GAN: variants seen among roughly 807,000 people sequenced by gnomAD.
The protein encoded by GAN is epididymis secretory sperm binding protein.
In GAN, 48 loss-of-function variants were observed where a neutral mutation model predicts 71.3. The observed-to-expected ratio is 0.67, with a 90% confidence interval of 0.53 to 0.86. GAN has a LOEUF of 0.86. GAN is among the 40% of genes least tolerant of loss of function. The pLI is 0.00. For synonymous variants in GAN, 386 were observed against 276.8 expected (o/e 1.39, Z -3.92); for missense variants, 928 against 770.1 (o/e 1.21, Z -2.43).
At chr16:81,339,465 A>T (rs1177136344) in intron 1 of GAN, among the ~76,000 whole-genome samples, 1 of 152,182 alleles carries the variant, frequency 6.6e-6, no homozygotes, top group East Asian at 1.9e-4. Context: ...GTCAGCTTCA[A>T]GTTTATTGTA....
In GAN at chr16:81,389,628, A is replaced by G. The variant is rs1463706138; in HGVS notation, c.*12032A>G. 6.6e-6 allele frequency: 1 copy of G among 152,246 alleles called. No individual in the cohort carries two copies. Among genetic ancestry groups the G allele is most frequent in the Non-Finnish European group, 1.5e-5 (1 of 68,044 alleles). The allele number at this position is 152,246 out of a possible 1,614,324, so 9.4% of individuals were successfully genotyped here. On this transcript the variant is annotated 3_prime_UTR_variant, in exon 11 of 11. Coordinates refer to ENST00000648994, the MANE Select transcript of GAN (RefSeq NM_022041.4). ...GAGTGAGACCCATTCATGACACACTAGAAATGTGTACATTCTTTTGTTTTC... is the reference window on the plus strand; with the variant it reads ...GAGTGAGACCCATTCATGACACACTGGAAATGTGTACATTCTTTTGTTTTC...
At chr16:81,374,324 T>C (rs1294438111) in intron 9 of GAN, among the ~76,000 whole-genome samples, 2 of 152,218 alleles carry the variant, frequency 1.3e-5, no homozygotes, top group Non-Finnish European at 2.9e-5. Flanking sequence ...CTGATTTTCT[T>C]GTTGTAATTA....
rs189524399 is a variant in GAN, at chr16:81,375,652, A to C, written c.1503-1567A>C. ...CCAGTTTTAAAGTGAGCAAACCTTT[A>C]AACAGACATTTTATAAAAGAACATA... On this transcript the variant is annotated intron_variant, in intron 9 of 10. Coordinates refer to ENST00000648994, the MANE Select transcript of GAN (RefSeq NM_022041.4). Among the ~76,000 whole-genome samples the C allele has an allele frequency of 6.8e-4, 103 of 152,196 alleles. 1 individual carries two copies. In the East Asian group the frequency reaches 0.018, roughly 27 times the overall value.
intron 1 of GAN, among the ~76,000 whole-genome samples, chr16:81,324,987 C>T (rs1444659372): frequency 2.6e-5 from 4 of 152,162 alleles, no homozygotes; most frequent in Admixed American, 2.6e-4. Flanking sequence ...GGCACCAGGA[C>T]ATGTTGATGA....
rs141427690 is a variant in GAN, at chr16:81,367,387, G to A, written c.1502+1909G>A. Among the ~76,000 whole-genome samples the A allele has an allele frequency of 7.0e-3, 1,064 of 152,140 alleles. 12 individuals carry two copies. Among genetic ancestry groups the A allele is most frequent in the African/African-American group, 0.024 (1,003 of 41,492 alleles). On this transcript the variant is annotated intron_variant, in intron 9 of 10. Transcript: ENST00000648994. ...AAAGTACAAAAAAAAAAATTAGCCA[G>A]GCATAGTGGCACGTGTCTGTAGTCC...
chr16:81,363,008 G>C (rs1411311606), intron 6 of GAN, among the ~76,000 whole-genome samples: 1 of 152,212 alleles, frequency 6.6e-6, no homozygotes, highest in African/African-American at 2.4e-5. Context: ...CTCTTTGATG[G>C]CAGAGAATTA....
chr16:81,368,781 C>G (rs1437311762), intron 9 of GAN, among the ~76,000 whole-genome samples: 1 of 152,212 alleles, frequency 6.6e-6, no homozygotes, highest in Non-Finnish European at 1.5e-5. Flanking sequence ...TCTGGCCAGC[C>G]TTGCCAGTGC....
In GAN at chr16:81,377,428, C is replaced by T. The variant is rs906015539; in HGVS notation, c.1626C>T (p.Asp542=). The T allele has an allele frequency of 1.9e-6, 3 of 1,613,922 alleles. No individual in the cohort carries two copies. The highest frequency in any genetic ancestry group is 1.7e-5 in the Admixed American group (1 of 60,024). ...TCTGTGGCTTAGGTACCAATTACGACTACGTGCGTGAGTTTAAAAGAAGCA... is the reference window on the plus strand; with the variant it reads ...TCTGTGGCTTAGGTACCAATTACGATTACGTGCGTGAGTTTAAAAGAAGCA... ...IGDLDTGTNY[D]YVREFKRSTG... Residue 542 remains aspartate (D), a synonymous_variant, in exon 11 of 11, where the codon GAC becomes GAT. Coordinates refer to ENST00000648994, the MANE Select transcript of GAN (RefSeq NM_022041.4).
Position 81,363,654 on chromosome 16 carries a change from C to A in GAN, c.1087-140C>A, listed in dbSNP as rs549373971. 1.8e-4 allele frequency: 144 copies of A among 807,252 alleles called. 3 individuals are homozygous for A. In the East Asian group the frequency reaches 2.5e-3, roughly 14 times the overall value. The allele number at this position is 807,252 out of a possible 1,614,324, so 50.0% of individuals were successfully genotyped here. A position where few individuals can be genotyped will look rare whatever the true frequency, so the allele number is the denominator to read the frequency against. On this transcript the variant is annotated intron_variant, in intron 6 of 10. Transcript: ENST00000648994. Reference sequence around the variant, plus strand: ...TTAGTGTTTCAGCCCTTGCTCCTCTCCCTGTCTCCTTGCTCTAGGAGTCCC... The same window carrying A: ...TTAGTGTTTCAGCCCTTGCTCCTCTACCTGTCTCCTTGCTCTAGGAGTCCC...
intron 1 of GAN, among the ~76,000 whole-genome samples, chr16:81,318,552 A>C (rs777886655): frequency 2.6e-5 from 4 of 152,210 alleles, no homozygotes; most frequent in African/African-American, 7.2e-5. Context: ...TTTGCTTACT[A>C]TGTGCCCAAC....
At chr16:81,334,522 C>A (rs928110906) in intron 1 of GAN, among the ~76,000 whole-genome samples, 3 of 152,164 alleles carry the variant, frequency 2.0e-5, no homozygotes, top group African/African-American at 7.2e-5. Context: ...TGGGGTGCAA[C>A]TAGGTTTATT....
At chr16:81,344,463 A>G (rs1306312382) in intron 1 of GAN, among the ~76,000 whole-genome samples, 1 of 152,168 alleles carries the variant, frequency 6.6e-6, no homozygotes, top group East Asian at 1.9e-4. Flanking sequence ...AAATGACACC[A>G]CACATCTACC....
chr16:81,372,561 G>A (rs117220022), intron 9 of GAN, among the ~76,000 whole-genome samples: 1 of 152,278 alleles, frequency 6.6e-6, no homozygotes, highest in Non-Finnish European at 1.5e-5. Context: ...TTGAAGCCTT[G>A]TCTTTACCTA....
intron 1 of GAN, among the ~76,000 whole-genome samples, chr16:81,330,104 C>A (rs1416000360): frequency 6.6e-6 from 1 of 152,216 alleles, no homozygotes; most frequent in Non-Finnish European, 1.5e-5. Flanking sequence ...TTCTCTTCAC[C>A]ATTGCCACTG....
intron 9 of GAN, among the ~76,000 whole-genome samples, chr16:81,376,324 A>AATAAC (rs1904279486): frequency 6.6e-6 from 1 of 152,166 alleles, no homozygotes; most frequent in Admixed American, 6.5e-5. Flanking sequence ...CAGGTGAATG[A>AATAAC]ATAACAAATT....
rs181441217 is a variant in GAN at position 81,352,728 on chromosome 16, C to G, written c.282+1031C>G. On this transcript the variant is annotated intron_variant, in intron 2 of 10. Transcript: ENST00000648994. ...TTTGATTTCATGCTTTCTCTCTTCT[C>G]TCAGCACTAGTGGGTGGGTGTGTAC... Among the ~76,000 whole-genome samples, 252 of 152,302 alleles carry G rather than the reference C, an allele frequency of 1.7e-3. 1 individual carries two copies. Among genetic ancestry groups the G allele is most frequent in the African/African-American group, 5.6e-3 (231 of 41,558 alleles).
intron 2 of GAN, among the ~76,000 whole-genome samples, chr16:81,353,559 A>G (rs1319410842): frequency 1.3e-5 from 2 of 152,210 alleles, no homozygotes; most frequent in Admixed American, 6.5e-5. Flanking sequence ...AATCTGTGGT[A>G]CAAAAAGTGT....
chr16:81,380,556 A>G lies in GAN; in HGVS notation c.*2960A>G, dbSNP rs922088101. Reference sequence around the variant, plus strand: ...TGAATAGAAAAAGTGTGAGAGATGAATGAGTGAGTTGTACGTGTGTGTGTG... The same window carrying G: ...TGAATAGAAAAAGTGTGAGAGATGAGTGAGTGAGTTGTACGTGTGTGTGTG... On this transcript the variant is annotated 3_prime_UTR_variant, in exon 11 of 11. Coordinates refer to ENST00000648994, the MANE Select transcript of GAN (RefSeq NM_022041.4). The G allele has an allele frequency of 2.0e-5, 3 of 152,146 alleles. No homozygotes were observed. The highest frequency in any genetic ancestry group is 4.4e-5 in the Non-Finnish European group (3 of 68,008). 9.4% of individuals were successfully genotyped at this position (152,146 alleles called of 1,614,324 possible).
At chr16:81,358,241 A>G (rs1184767607) in intron 5 of GAN, among the ~76,000 whole-genome samples, 3 of 152,222 alleles carry the variant, frequency 2.0e-5, no homozygotes, top group Non-Finnish European at 4.4e-5. Context: ...CACACCTGGA[A>G]CACAGCGTTT....
Sources: gnomAD v4.1 joint callset for allele counts (sites outside exome capture counted in the v4.1 genomes callset) on GRCh38, gnomAD v4.1.1 for gene constraint, MANE v1.5 for transcripts, NCBI Gene and HGNC (gene_info 2026-07-23, HGNC 2026-07-21) for gene names.